The following FBN1 variants were observed in gnomAD, a reference collection of about 807,000 sequenced individuals.
The protein encoded by FBN1 is fibrillin-1.
FBN1 carries 29 observed loss-of-function variants against 365.1 expected under a neutral mutation model. The ratio of observed to expected loss-of-function variants is 0.08; its 90% CI spans 0.06 to 0.11. The LOEUF (loss-of-function observed/expected upper bound fraction) is 0.11, where lower values mean the gene tolerates loss of function less well. Among genes scored for constraint, FBN1 ranks in the 10% least tolerant of loss-of-function variants. FBN1 has a pLI of 1.00. For synonymous variants in FBN1, 1,210 were observed against 1,270.5 expected, an observed-to-expected ratio of 0.95 and a Z score of 1.01; for missense variants, 2,476 against 3,703.2, an observed-to-expected ratio of 0.67 and a Z score of 8.60.
intron 4 of FBN1, among the ~76,000 whole-genome samples, chr15:48,601,658 G>T (rs1237491144): frequency 1.3e-5 from 2 of 152,152 alleles, no homozygotes; most frequent in Non-Finnish European, 2.9e-5. Flanking sequence ...CTCAGCCACG[G>T]TATTGAAAAG....
chr15:48,418,594 T>C (rs2042918242), intron 63 of FBN1, among the ~76,000 whole-genome samples: 1 of 152,238 alleles, frequency 6.6e-6, no homozygotes, highest in Non-Finnish European at 1.5e-5. Context: ...TCCTGACCTT[T>C]TTCATCCTCT....
chr15:48,563,547 T>G (rs1398393785), intron 6 of FBN1, among the ~76,000 whole-genome samples: 1 of 152,196 alleles, frequency 6.6e-6, no homozygotes, highest in Non-Finnish European at 1.5e-5. Flanking sequence ...AATATATACA[T>G]TTATAAAACA....
At chr15:48,431,542 TATATG>T (rs1204737733) in intron 55 of FBN1, among the ~76,000 whole-genome samples, 2 of 152,114 alleles carry the variant, frequency 1.3e-5, no homozygotes. Context: ...ATAATCACAA[TATATG>T]ATAAGGCAAT....
chr15:48,598,394 A>T (rs1435875540), intron 5 of FBN1, among the ~76,000 whole-genome samples: 3 of 152,190 alleles, frequency 2.0e-5, no homozygotes, highest in African/African-American at 4.8e-5. Context: ...AACTGAAAAG[A>T]TGTAGGTTAT....
At chr15:48,417,443 C>CTTT (rs1355209843) in intron 63 of FBN1, among the ~76,000 whole-genome samples, 1 of 67,006 alleles carries the variant, frequency 1.5e-5, no homozygotes. Flanking sequence ...CCCTCCCCTC[C>CTTT]CTCCTTTCCT....
At chr15:48,558,445 G>A (rs1482474635) in intron 6 of FBN1, among the ~76,000 whole-genome samples, 1 of 152,144 alleles carries the variant, frequency 6.6e-6, no homozygotes, top group East Asian at 1.9e-4. Context: ...TATGGTGAAG[G>A]GAAGCATAAA....
Position 48,516,232 on chromosome 15 carries a change from C to T in FBN1, c.1278G>A (p.Pro426=), listed in dbSNP as rs113245313. ...PPGFPPGPQI[P]VPRPPVEYLY... ...GATATTCCACTGGTGGTCGAGGGAC[C>T]GGAATTTGAGGTCCAGGAGGAAAGC... The change falls in exon 11 of 66, where the codon CCG becomes CCA. Residue 426 remains proline (P), a synonymous_variant. Transcript: ENST00000316623. The T allele has an allele frequency of 1.7e-5, 27 of 1,612,488 alleles. No homozygotes were observed. Among genetic ancestry groups the T allele is most frequent in the Admixed American group, 1.2e-4 (7 of 59,918 alleles).
At chr15:48,467,086 G>A (rs746886292) in intron 38 of FBN1, among the ~76,000 whole-genome samples, 2 of 152,194 alleles carry the variant, frequency 1.3e-5, no homozygotes, top group Non-Finnish European at 2.9e-5. Flanking sequence ...AACTAGTGGA[G>A]TCCTAATGTG....
chr15:48,478,717 A>G (rs946301163), intron 32 of FBN1, among the ~76,000 whole-genome samples: 9 of 152,220 alleles, frequency 5.9e-5, no homozygotes, highest in Non-Finnish European at 1.2e-4. Flanking sequence ...TAAATGGAAC[A>G]TTCCCCCTTG....
intron 49 of FBN1, among the ~76,000 whole-genome samples, chr15:48,442,094 C>T (rs1006153598): frequency 3.3e-5 from 5 of 152,188 alleles, no homozygotes; most frequent in Admixed American, 6.6e-5. Context: ...CAGTGACAAA[C>T]GTCTCTTACC....
chr15:48,570,089 A>G (rs926904173), intron 6 of FBN1, among the ~76,000 whole-genome samples: 3 of 152,138 alleles, frequency 2.0e-5, no homozygotes, highest in Non-Finnish European at 4.4e-5. Flanking sequence ...TTCTACTTCT[A>G]TCTCAACTGT....
chr15:48,426,962 G>A (rs1426070988), intron 58 of FBN1, among the ~76,000 whole-genome samples: 1 of 151,780 alleles, frequency 6.6e-6, no homozygotes, highest in Non-Finnish European at 1.5e-5. Context: ...GCTCAAAAAA[G>A]CTCTCACCTT....
intron 31 of FBN1, among the ~76,000 whole-genome samples, chr15:48,482,257 T>A (rs532166751): frequency 1.4e-4 from 21 of 152,334 alleles, no homozygotes; most frequent in African/African-American, 5.1e-4. Flanking sequence ...ATTTTAATTC[T>A]AGGACTTCAA....
chr15:48,542,779 A>T (rs953348785), intron 6 of FBN1, among the ~76,000 whole-genome samples: 1 of 92,082 alleles, frequency 1.1e-5, no homozygotes, highest in East Asian at 4.1e-4. Context: ...TAGGACTCTA[A>T]GATGTGTGTG....
intron 6 of FBN1, among the ~76,000 whole-genome samples, chr15:48,567,332 A>C (rs992911136): frequency 2.0e-5 from 3 of 152,182 alleles, no homozygotes; most frequent in African/African-American, 7.2e-5. Flanking sequence ...TTAAAGTATC[A>C]ATTCACAAGA....
intron 24 of FBN1, among the ~76,000 whole-genome samples, chr15:48,490,646 G>A (rs952796396): frequency 6.6e-6 from 1 of 152,152 alleles, no homozygotes; most frequent in African/African-American, 2.4e-5. Context: ...ACCTAAACAC[G>A]TGCTTAAGGG....
intron 7 of FBN1, among the ~76,000 whole-genome samples, chr15:48,536,427 C>T (rs2044014510): frequency 6.6e-6 from 1 of 152,110 alleles, no homozygotes; most frequent in Non-Finnish European, 1.5e-5. Context: ...GTCTAGCTCT[C>T]TGGTCACTGT....
chr15:48,593,527 A>C (rs2044495298), intron 6 of FBN1, among the ~76,000 whole-genome samples: 1 of 152,226 alleles, frequency 6.6e-6, no homozygotes, highest in African/African-American at 2.4e-5. Flanking sequence ...TCAACATTGT[A>C]ATCAGCTCTG....
Position 48,589,551 on chromosome 15 carries a change from G to A in FBN1, c.538+6732C>T, listed in dbSNP as rs79895449. Among the ~76,000 whole-genome samples, 38 of 150,902 alleles carry A rather than the reference G, an allele frequency of 2.5e-4. No homozygotes were observed. The East Asian group carries it at 6.8e-3, about 27-fold the overall frequency. ...CTGCCACAAATGTTGCAATACCACT[G>A]TAGACGCACAGTAACATTTAGGGCA... is the stretch of plus-strand genomic sequence containing the variant. On this transcript the variant is annotated intron_variant, in intron 6 of 65. Coordinates refer to ENST00000316623, the MANE Select transcript of FBN1 (RefSeq NM_000138.5).
Sources: gnomAD v4.1 joint callset for allele counts (sites outside exome capture counted in the v4.1 genomes callset) on GRCh38, gnomAD v4.1.1 for gene constraint, MANE v1.5 for transcripts, NCBI Gene and HGNC (gene_info 2026-07-23, HGNC 2026-07-21) for gene names.